ERBB4: variants seen among roughly 807,000 people sequenced by gnomAD.
ERBB4 encodes the protein receptor tyrosine-protein kinase erbB-4.
A neutral mutation model predicts 158.0 loss-of-function variants in ERBB4; 42 were observed. That is an observed-to-expected ratio of 0.27 (90% CI 0.21 to 0.34). The LOEUF is 0.34. Ranked by LOEUF, ERBB4 falls within the 10% of genes least tolerant of loss-of-function variation. The pLI, the probability that ERBB4 is intolerant of heterozygous loss-of-function variation, is 1.00. For synonymous variants in ERBB4, 583 were observed against 558.7 expected (o/e 1.04, Z -0.61); for missense variants, 1,333 against 1,624.1 (o/e 0.82, Z 3.08).
At chr2:212,287,908 T>C (rs1317176946) in intron 1 of ERBB4, among the ~76,000 whole-genome samples, 2 of 151,600 alleles carry the variant, frequency 1.3e-5, no homozygotes, top group Non-Finnish European at 2.9e-5. Context: ...TTTTGGAGGG[T>C]GGAGCATGGA....
chr2:211,796,961 T>C (rs1036488396), intron 3 of ERBB4, among the ~76,000 whole-genome samples: 1 of 152,040 alleles, frequency 6.6e-6, no homozygotes, highest in African/African-American at 2.4e-5. Context: ...ACTACATTAA[T>C]AATTATAAAG....
At chr2:211,859,139 C>A (rs1050887966) in intron 3 of ERBB4, among the ~76,000 whole-genome samples, 3 of 152,140 alleles carry the variant, frequency 2.0e-5, no homozygotes, top group Non-Finnish European at 4.4e-5. Context: ...GCAGCCTTCC[C>A]AGACATATTA....
intron 3 of ERBB4, among the ~76,000 whole-genome samples, chr2:211,908,983 T>C (rs927997558): frequency 6.6e-6 from 1 of 151,680 alleles, no homozygotes; most frequent in Non-Finnish European, 1.5e-5. Flanking sequence ...GTTTCTTATA[T>C]GTAACTTAAA....
At chr2:212,043,023 T>C (rs966800994) in intron 2 of ERBB4, among the ~76,000 whole-genome samples, 2 of 152,170 alleles carry the variant, frequency 1.3e-5, no homozygotes, top group African/African-American at 4.8e-5. Flanking sequence ...TATTGAGTAC[T>C]ACAGTCTCAT....
At chr2:211,732,150 G>A (rs1191437334) in intron 5 of ERBB4, among the ~76,000 whole-genome samples, 2 of 152,042 alleles carry the variant, frequency 1.3e-5, no homozygotes, top group Admixed American at 6.6e-5. Flanking sequence ...GAGCTGGGTT[G>A]GTCTTAAACT....
chr2:212,126,851 G>A (rs1002644447), intron 1 of ERBB4, among the ~76,000 whole-genome samples: 2 of 152,142 alleles, frequency 1.3e-5, no homozygotes, highest in African/African-American at 4.8e-5. Context: ...GATGGGTATA[G>A]CCTAATAATT....
intron 2 of ERBB4, among the ~76,000 whole-genome samples, chr2:211,951,171 A>G (rs1469850168): frequency 6.6e-6 from 1 of 152,176 alleles, no homozygotes; most frequent in East Asian, 1.9e-4. Context: ...CCCACTCAGG[A>G]AGTGACTCTT....
intron 3 of ERBB4, among the ~76,000 whole-genome samples, chr2:211,823,747 A>C (rs2077041659): frequency 6.6e-6 from 1 of 152,012 alleles, no homozygotes; most frequent in African/African-American, 2.4e-5. Context: ...TGGGGCTTCT[A>C]TAATCTGTGT....
chr2:212,065,027 GT>G (rs1197337274), intron 2 of ERBB4, among the ~76,000 whole-genome samples: 232 of 131,550 alleles, frequency 1.8e-3, no homozygotes, highest in African/African-American at 5.2e-3. Flanking sequence ...GTGTGTGTGT[GT>G]TGTGTGTGTG....
chr2:212,011,861 T>C (rs1250937354), intron 2 of ERBB4, among the ~76,000 whole-genome samples: 1 of 152,198 alleles, frequency 6.6e-6, no homozygotes, highest in East Asian at 1.9e-4. Flanking sequence ...TTTAAGGCCA[T>C]TGCCTGGACC....
chr2:212,184,341 C>T (rs2081954752), intron 1 of ERBB4, among the ~76,000 whole-genome samples: 1 of 152,102 alleles, frequency 6.6e-6, no homozygotes, highest in East Asian at 1.9e-4. Flanking sequence ...TTATTAATCA[C>T]CCCCTTCTCA....
At chr2:211,722,563 T>C in intron 6 of ERBB4, 29 bp from the exon 7 acceptor site, 3 of 1,611,100 alleles carry the variant, frequency 1.9e-6, no homozygotes, top group Non-Finnish European at 2.5e-6. Flanking sequence ...TACTTTCATT[T>C]ACAAATAAAC....
chr2:211,661,947 G>C (rs1405816193), intron 15 of ERBB4, among the ~76,000 whole-genome samples: 4 of 145,542 alleles, frequency 2.7e-5, no homozygotes, highest in Non-Finnish European at 6.0e-5. Context: ...GCTGAGGCAG[G>C]AGAATGGCGT....
intron 20 of ERBB4, among the ~76,000 whole-genome samples, chr2:211,473,153 G>A (rs575807879): frequency 1.3e-4 from 19 of 151,872 alleles, no homozygotes; most frequent in East Asian, 3.9e-4. Flanking sequence ...ATTATAGGAA[G>A]GCAAACAGAG....
Position 212,257,608 on chromosome 2 carries a change from A to G in ERBB4, c.83-132705T>C, listed in dbSNP as rs370648441. 3.3e-5 allele frequency among the ~76,000 whole-genome samples: 5 copies of G among 152,302 alleles called. No individual in the cohort carries two copies. The South Asian group carries it at 1.0e-3, about 32-fold the overall frequency. On this transcript the variant is annotated intron_variant, in intron 1 of 27. Transcript: ENST00000342788. ...TAAAATGTTAATACCCTAAGCAGTA[A>G]GACCCGAAACTTTAACCACCCTGCT...
At chr2:212,196,017 T>C (rs1459553694) in intron 1 of ERBB4, among the ~76,000 whole-genome samples, 1 of 152,114 alleles carries the variant, frequency 6.6e-6, no homozygotes, top group Non-Finnish European at 1.5e-5. Flanking sequence ...CTGGTTAGAC[T>C]AACAAAAGCA....
At chr2:211,437,105 A>C (rs184612041) in intron 20 of ERBB4, among the ~76,000 whole-genome samples, 1 of 152,294 alleles carries the variant, frequency 6.6e-6, no homozygotes, top group African/African-American at 2.4e-5. Flanking sequence ...TCATGATCCA[A>C]ATGCCACAAG....
intron 12 of ERBB4, among the ~76,000 whole-genome samples, chr2:211,688,106 T>C (rs2072642866): frequency 6.6e-6 from 1 of 152,210 alleles, no homozygotes; most frequent in Non-Finnish European, 1.5e-5. Flanking sequence ...CTATTTTCGA[T>C]TTAGCATGAC....
At chr2:211,891,021 C>A (rs201518522) in intron 3 of ERBB4, among the ~76,000 whole-genome samples, 7,867 of 83,548 alleles carry the variant, frequency 0.094, 496 homozygotes, top group South Asian at 0.22. Flanking sequence ...AACAAGGATA[C>A]CCAGGAATTG....
Sources: gnomAD v4.1 joint callset for allele counts (sites outside exome capture counted in the v4.1 genomes callset) on GRCh38, gnomAD v4.1.1 for gene constraint, MANE v1.5 for transcripts, NCBI Gene and HGNC (gene_info 2026-07-23, HGNC 2026-07-21) for gene names.